The following VTI1B variants were observed in gnomAD, a reference collection of about 807,000 sequenced individuals.
VTI1B encodes vesicle transport through interaction with t-SNAREs homolog 1B.
In VTI1B, 18 loss-of-function variants were observed where a neutral mutation model predicts 28.6. That is an observed-to-expected ratio of 0.63 (90% CI 0.43 to 0.93). The LOEUF (loss-of-function observed/expected upper bound fraction) is 0.93, where lower values mean the gene tolerates loss of function less well. VTI1B is among the 40% of genes least tolerant of loss of function. The pLI, the probability that VTI1B is intolerant of heterozygous loss-of-function variation, is 0.00. For synonymous variants in VTI1B, 100 were observed against 107.9 expected, an observed-to-expected ratio of 0.93 and a Z score of 0.46; for missense variants, 283 against 297.0, an observed-to-expected ratio of 0.95 and a Z score of 0.35.
At position 67,672,472 on chromosome 14, in the gene VTI1B, G is replaced by A. The variant is rs571468845; in HGVS notation, c.115+1903C>T. ...CTTTTTTTTTTTTTTTTGATACAGA[G>A]TCTTGATCTGTTGCCCAGGCTGGAG... On this transcript the variant is annotated intron_variant, in intron 1 of 5. Coordinates refer to ENST00000554659, the MANE Select transcript of VTI1B (RefSeq NM_006370.3). 4.0e-5 allele frequency among the ~76,000 whole-genome samples: 5 copies of A among 124,898 alleles called. No individual in the cohort carries two copies. The South Asian group carries it at 1.0e-3, about 25-fold the overall frequency. 81.9% of individuals were successfully genotyped at this position (124,898 alleles called of 152,430 possible). A position where few individuals can be genotyped will look rare whatever the true frequency, so the allele number is the denominator to read the frequency against.
At position 67,659,855 on chromosome 14, in the gene VTI1B, A is replaced by T; in HGVS notation, c.242T>A (p.Leu81His). Residue 81 changes from leucine (L) to histidine (H), a missense_variant, in exon 3 of 6, where the codon CTT (leucine) becomes CAT (histidine). Physicochemically the swap from Leu to His is moderately conservative, Grantham distance 99. Transcript: ENST00000554659. ...AGCAAGGTCCTTCCGGTAGTTTCGA[A>T]GCTTAGACATCATGGGGTTTCGGAA... ...LSFRNPMMSKLRNYRKDLAKL... is the reference protein window; with the variant it reads ...LSFRNPMMSKHRNYRKDLAKL... 6.2e-7 allele frequency: 1 copy of T among 1,614,158 alleles called. No individual in the cohort carries two copies. Among genetic ancestry groups the T allele is most frequent in the Non-Finnish European group, 8.5e-7 (1 of 1,180,030 alleles).
At chr14:67,673,866 G>A (rs2037499597) in intron 1 of VTI1B, among the ~76,000 whole-genome samples, 1 of 152,042 alleles carries the variant, frequency 6.6e-6, no homozygotes, top group South Asian at 2.1e-4. Flanking sequence ...TTCAAAACAA[G>A]ACCACATCTA....
At chr14:67,657,921 G>T (rs555299412) in intron 3 of VTI1B, among the ~76,000 whole-genome samples, 42 of 151,962 alleles carry the variant, frequency 2.8e-4, no homozygotes, top group Non-Finnish European at 5.2e-4. Context: ...GCTAATTTTT[G>T]TATTTTTAGT....
chr14:67,661,362 C>T (rs938451818), intron 2 of VTI1B, among the ~76,000 whole-genome samples: 10 of 137,632 alleles, frequency 7.3e-5, no homozygotes, highest in African/African-American at 2.7e-4. Flanking sequence ...GTTCAGTAAA[C>T]GGAACCAACT....
At chr14:67,670,996 G>T (rs1163145448) in intron 1 of VTI1B, among the ~76,000 whole-genome samples, 11 of 152,080 alleles carry the variant, frequency 7.2e-5, no homozygotes, top group Admixed American at 2.0e-4. Context: ...ATTCATGATG[G>T]GCATTAAAGC....
intron 1 of VTI1B, 75 bp downstream of exon 1, chr14:67,674,300 G>T: frequency 7.4e-7 from 1 of 1,360,334 alleles, no homozygotes; most frequent in East Asian, 2.7e-5. Context: ...CCGGGTCTGG[G>T]AGGAAGGTGG....
At chr14:67,654,800 C>A (rs943665522) in intron 4 of VTI1B, among the ~76,000 whole-genome samples, 1 of 151,698 alleles carries the variant, frequency 6.6e-6, no homozygotes. Context: ...GAGGCTGAGG[C>A]GGGCAGATCA....
At chr14:67,663,285 G>A in intron 1 of VTI1B, 1 of 825,038 alleles carries the variant, frequency 1.2e-6, no homozygotes, top group Admixed American at 3.0e-5. Flanking sequence ...TTATACTACA[G>A]GTTTTCCATC....
chr14:67,662,442 A>G, intron 2 of VTI1B, 35 bp downstream of exon 2: 1 of 1,581,206 alleles, frequency 6.3e-7, no homozygotes, highest in Non-Finnish European at 8.7e-7. Flanking sequence ...GACCAACACC[A>G]GGTAGAAGAA....
At chr14:67,653,758 C>T (rs2037218899) in intron 4 of VTI1B, among the ~76,000 whole-genome samples, 1 of 152,166 alleles carries the variant, frequency 6.6e-6, no homozygotes, top group Non-Finnish European at 1.5e-5. Context: ...TAATCTTCTA[C>T]CGTGGCTACT....
At position 67,650,938 on chromosome 14, in the gene VTI1B, C is replaced by CA. The variant is rs770910663; in HGVS notation, c.*446dup. The CA allele has an allele frequency of 4.4e-6, 7 of 1,609,030 alleles. No individual in the cohort carries two copies. The highest frequency in any genetic ancestry group is 5.1e-6 in the Non-Finnish European group (6 of 1,176,250). On this transcript the variant is annotated 3_prime_UTR_variant, in exon 6 of 6. Transcript: ENST00000554659. ...GAATTTAGGAGACACTGTGCACTGACATGTTTCACAACAGGCATTCCAGAA... is the reference window on the plus strand; with the variant it reads ...GAATTTAGGAGACACTGTGCACTGACAATGTTTCACAACAGGCATTCCAGAA...
At chr14:67,653,525 C>T in intron 4 of VTI1B, 27 bp from the exon 5 acceptor site, 1 of 1,600,436 alleles carries the variant, frequency 6.2e-7, no homozygotes, top group South Asian at 1.1e-5. Context: ...GTGATTATTT[C>T]CCTCTTTAAA....
intron 1 of VTI1B, among the ~76,000 whole-genome samples, chr14:67,667,151 AACAG>A (rs1196386796): frequency 6.6e-6 from 1 of 152,196 alleles, no homozygotes; most frequent in Non-Finnish European, 1.5e-5. Context: ...GTAAAATGGA[AACAG>A]ACAGCTCTGA....
At chr14:67,653,600 A>G in intron 4 of VTI1B, 102 bp from the exon 5 acceptor site, 1 of 1,002,904 alleles carries the variant, frequency 1.0e-6, no homozygotes, top group Non-Finnish European at 1.5e-6. Context: ...ATATGTTGAA[A>G]AATTCCAAGA....
At chr14:67,667,021 T>C (rs1375050764) in intron 1 of VTI1B, among the ~76,000 whole-genome samples, 1 of 152,162 alleles carries the variant, frequency 6.6e-6, no homozygotes, top group Non-Finnish European at 1.5e-5. Flanking sequence ...TGAACAAGAA[T>C]GAACCACTTC....
chr14:67,656,381 C>T (rs945148285), intron 4 of VTI1B, 35 bp downstream of exon 4: 5 of 1,528,962 alleles, frequency 3.3e-6, no homozygotes, highest in African/African-American at 1.4e-5. Context: ...CTAATTACCC[C>T]ATACTTGCCC....
chr14:67,652,964 G>T (rs8013416), intron 5 of VTI1B, among the ~76,000 whole-genome samples: 1,748 of 152,058 alleles, frequency 0.011, 25 homozygotes, highest in African/African-American at 0.04. Flanking sequence ...TAATTTTTTT[G>T]TATTTTTAGT....
chr14:67,668,532 GAATAGA>G (rs1214728250), intron 1 of VTI1B, among the ~76,000 whole-genome samples: 11 of 152,184 alleles, frequency 7.2e-5, no homozygotes, highest in African/African-American at 2.7e-4. Flanking sequence ...GTGGACAACA[GAATAGA>G]AATAAATCAC....
chr14:67,662,342 T>C (rs2037348414), intron 2 of VTI1B, 135 bp downstream of exon 2: 2 of 780,420 alleles, frequency 2.6e-6, no homozygotes, highest in South Asian at 3.3e-5. Context: ...CCCCATCAAC[T>C]GGCTTCATTT....
Sources: gnomAD v4.1 joint callset for allele counts (sites outside exome capture counted in the v4.1 genomes callset) on GRCh38, gnomAD v4.1.1 for gene constraint, MANE v1.5 for transcripts, NCBI Gene and HGNC (gene_info 2026-07-23, HGNC 2026-07-21) for gene names.